CHODL: variants seen among roughly 807,000 people sequenced by gnomAD.
CHODL encodes transmembrane protein MT75.
In CHODL, 29 loss-of-function variants were observed where a neutral mutation model predicts 34.5. The observed-to-expected ratio is 0.84, with a 90% CI of 0.63 to 1.15. The LOEUF is 1.15. Among genes scored for constraint, CHODL ranks in the 50% most tolerant of loss-of-function variants. The pLI, the probability that CHODL is intolerant of heterozygous loss-of-function variation, is 0.00. For missense variants in CHODL, 332 were observed against 332.5 expected (o/e 1.00, Z 0.01); for synonymous variants, 125 against 116.1 (o/e 1.08, Z -0.49).
At chr21:18,007,225 A>G (rs157748) in intron 1 of CHODL, among the ~76,000 whole-genome samples, 2,423 of 152,332 alleles carry the variant, frequency 0.016, 64 homozygotes, top group African/African-American at 0.054. Context: ...TGCAAAACCC[A>G]GAAGTGTCCT....
chr21:17,922,098 T>G (rs1447182583), intron 1 of CHODL, among the ~76,000 whole-genome samples: 1 of 152,036 alleles, frequency 6.6e-6, no homozygotes. Flanking sequence ...TAATGCTTAA[T>G]TAGGAGGTAC....
chr21:17,934,886 G>A (rs1208591270), intron 1 of CHODL, among the ~76,000 whole-genome samples: 1 of 152,164 alleles, frequency 6.6e-6, no homozygotes, highest in Non-Finnish European at 1.5e-5. Context: ...TTTTGGGACT[G>A]AGAAGTTAGG....
intron 1 of CHODL, among the ~76,000 whole-genome samples, chr21:17,989,254 T>G (rs2063778693): frequency 6.6e-6 from 1 of 152,210 alleles, no homozygotes; most frequent in South Asian, 2.1e-4. Flanking sequence ...CAAATCATCC[T>G]GGCTCTCTTT....
At chr21:18,093,180 T>C (rs1568882277) in intron 2 of CHODL, among the ~76,000 whole-genome samples, 1 of 152,086 alleles carries the variant, frequency 6.6e-6, no homozygotes, top group Non-Finnish European at 1.5e-5. Flanking sequence ...GAGAGTGGCA[T>C]GACATATTTA....
intron 1 of CHODL, among the ~76,000 whole-genome samples, chr21:18,019,622 A>T (rs192816971): frequency 2.6e-5 from 4 of 152,178 alleles, no homozygotes; most frequent in African/African-American, 9.6e-5. Flanking sequence ...CCACAAATTT[A>T]AAAAAAACTT....
At chr21:18,064,980 G>C (rs2064714094) in intron 2 of CHODL, among the ~76,000 whole-genome samples, 1 of 152,168 alleles carries the variant, frequency 6.6e-6, no homozygotes, top group African/African-American at 2.4e-5. Flanking sequence ...TTTGTGTGTA[G>C]TTTAAACGAA....
At position 17,950,497 on chromosome 21, in the gene CHODL, A is replaced by AACACACACACACAC. The variant is rs200120318; in HGVS notation, c.-145+33122_-145+33135dup. Among the ~76,000 whole-genome samples, 323 of 130,382 alleles carry AACACACACACACAC rather than the reference A, an allele frequency of 2.5e-3. 1 individual carries two copies. Among genetic ancestry groups the AACACACACACACAC allele is most frequent in the African/African-American group, 7.4e-3 (246 of 33,098 alleles). 85.5% of individuals were successfully genotyped at this position (130,382 alleles called of 152,430 possible). On this transcript the variant is annotated intron_variant, in intron 1 of 6. Coordinates refer to the CHODL transcript ENST00000400127. ...TCATAACAAGAAATCCTAGATACAC[A>AACACACACACACAC]ACACACACACACACACACACACACA...
rs117554149 is a variant in CHODL at position 18,181,157 on chromosome 21, G to T, written c.-44-75352G>T. Among the ~76,000 whole-genome samples, 846 of 152,270 alleles carry T rather than the reference G, an allele frequency of 5.6e-3. 4 individuals are homozygous for T. The highest frequency in any genetic ancestry group is 7.0e-3 in the Non-Finnish European group (479 of 68,020). On this transcript the variant is annotated intron_variant, in intron 2 of 6. Coordinates refer to the CHODL transcript ENST00000400127. ...GAAGTGTTATGAATAGGAATGTGAA[G>T]GGAAGGGTGATATGTAATTTAACCT...
intron 1 of CHODL, among the ~76,000 whole-genome samples, chr21:18,252,146 A>G (rs1601208847): frequency 1.3e-5 from 2 of 152,116 alleles, no homozygotes; most frequent in South Asian, 2.1e-4. Context: ...AGATAAGCCC[A>G]CAGTAAAAGG....
intron 2 of CHODL, among the ~76,000 whole-genome samples, chr21:18,046,840 G>A (rs1055576427): frequency 2.0e-5 from 3 of 151,830 alleles, no homozygotes; most frequent in Admixed American, 6.6e-5. Flanking sequence ...TTATCACTGC[G>A]GTCGTTAGTT....
At chr21:17,934,448 C>T (rs1347025073) in intron 1 of CHODL, among the ~76,000 whole-genome samples, 1 of 133,442 alleles carries the variant, frequency 7.5e-6, no homozygotes, top group East Asian at 2.3e-4. Flanking sequence ...TCTCTCTCTC[C>T]CTATTAGTAT....
At chr21:17,937,021 C>T (rs1410338681) in intron 1 of CHODL, among the ~76,000 whole-genome samples, 1 of 148,026 alleles carries the variant, frequency 6.8e-6, no homozygotes, top group African/African-American at 2.5e-5. Flanking sequence ...TTGCAGTGAG[C>T]CGAGATCCTG....
At chr21:18,059,537 A>C (rs1339847373) in intron 2 of CHODL, among the ~76,000 whole-genome samples, 1 of 149,612 alleles carries the variant, frequency 6.7e-6, no homozygotes, top group Non-Finnish European at 1.5e-5. Flanking sequence ...CTGGGGTTAC[A>C]TATGCAGGAT....
At chr21:18,231,810 T>C (rs2073981756) in intron 2 of CHODL, among the ~76,000 whole-genome samples, 1 of 151,822 alleles carries the variant, frequency 6.6e-6, no homozygotes, top group Non-Finnish European at 1.5e-5. Context: ...GTGCTTTGTA[T>C]GGGGTTATGG....
chr21:17,958,261 GT>G (rs1284957159), intron 1 of CHODL, among the ~76,000 whole-genome samples: 8 of 152,052 alleles, frequency 5.3e-5, no homozygotes, highest in African/African-American at 1.9e-4. Context: ...CCAAATGATA[GT>G]TTTCTATTTT....
At chr21:18,033,491 A>T (rs954479576) in intron 2 of CHODL, among the ~76,000 whole-genome samples, 1 of 152,048 alleles carries the variant, frequency 6.6e-6, no homozygotes, top group Non-Finnish European at 1.5e-5. Context: ...TAATATTGCA[A>T]CTTTAATTAA....
At chr21:17,934,817 A>T (rs2146324050) in intron 1 of CHODL, among the ~76,000 whole-genome samples, 1 of 152,312 alleles carries the variant, frequency 6.6e-6, no homozygotes, top group South Asian at 2.1e-4. Context: ...TCTGAAACAA[A>T]TTAAAATTTG....
intron 2 of CHODL, among the ~76,000 whole-genome samples, chr21:18,183,544 C>CT (rs1249739256): frequency 6.6e-5 from 10 of 152,054 alleles, no homozygotes; most frequent in Admixed American, 1.3e-4. Flanking sequence ...ATAATTTTCT[C>CT]TTTTTTTCCC....
intron 2 of CHODL, among the ~76,000 whole-genome samples, chr21:18,210,335 T>C (rs2073759458): frequency 6.6e-6 from 1 of 152,168 alleles, no homozygotes; most frequent in Admixed American, 6.5e-5. Context: ...ACAGATTCTC[T>C]CTCTGTGCGA....
Sources: gnomAD v4.1 joint callset for allele counts (sites outside exome capture counted in the v4.1 genomes callset) on GRCh38, gnomAD v4.1.1 for gene constraint, MANE v1.5 for transcripts, NCBI Gene and HGNC (gene_info 2026-07-23, HGNC 2026-07-21) for gene names.